The following SLC25A35 variants were observed in gnomAD, a reference collection of about 807,000 sequenced individuals.
SLC25A35 encodes the protein solute carrier family 25, member 35.
In SLC25A35, 32 loss-of-function variants were observed where a neutral mutation model predicts 30.5. That is an observed-to-expected ratio of 1.05 (90% confidence interval 0.79 to 1.41). SLC25A35 has a LOEUF of 1.41. Ranked by LOEUF, SLC25A35 falls within the 40% of genes most tolerant of loss-of-function variation. SLC25A35 has a pLI of 0.00. For missense variants in SLC25A35, 369 were observed against 388.0 expected (o/e 0.95, Z 0.41); for synonymous variants, 142 against 158.1 (o/e 0.90, Z 0.77).
At position 8,292,443 on chromosome 17, in the gene SLC25A35, G is replaced by A. The variant is rs561165253; in HGVS notation, c.441+80C>T. 13 of 1,378,482 alleles carry A rather than the reference G, an allele frequency of 9.4e-6. No homozygotes were observed. In the Admixed American group the frequency reaches 1.0e-4, roughly 11 times the overall value. 85.4% of individuals were successfully genotyped at this position (1,378,482 alleles called of 1,614,324 possible). A position where few individuals can be genotyped will look rare whatever the true frequency, so the allele number is the denominator to read the frequency against. Reference sequence around the variant, plus strand: ...GTTGAGCAGAGCAGTGGCTGGGATTGGATCTGTTGGGTGCAGGCAGAAAGC... The same window carrying A: ...GTTGAGCAGAGCAGTGGCTGGGATTAGATCTGTTGGGTGCAGGCAGAAAGC... On this transcript the variant is annotated intron_variant, in intron 2 of 4. Transcript: ENST00000577745.
chr17:8,291,557 G>C, intron 2 of SLC25A35, 72 bp from the exon 3 acceptor site: 11 of 1,510,682 alleles, frequency 7.3e-6, no homozygotes, highest in Non-Finnish European at 9.8e-6. Flanking sequence ...ACACTGCCAA[G>C]GATGGGTCCT....
intron 2 of SLC25A35, among the ~76,000 whole-genome samples, chr17:8,292,085 A>C (rs1026519184): frequency 1.3e-5 from 2 of 152,172 alleles, no homozygotes; most frequent in Non-Finnish European, 2.9e-5. Flanking sequence ...AAGAGGTTGC[A>C]GCAGGAGAAT....
Position 8,290,083 on chromosome 17 carries a change from A to T in SLC25A35, c.*422T>A, listed in dbSNP as rs1054248907. 1 of 1,532,290 alleles carries T rather than the reference A, an allele frequency of 6.5e-7. No individual in the cohort carries two copies. The highest frequency in any genetic ancestry group is 1.4e-5 in the African/African-American group (1 of 72,306). 94.9% of individuals were successfully genotyped at this position (1,532,290 alleles called of 1,614,324 possible). On this transcript the variant is annotated 3_prime_UTR_variant, in exon 5 of 5. Transcript: ENST00000577745. Reference sequence around the variant, plus strand: ...CTCTTCAGAATAAACTTGCTTTATAATCAATATAATCTCTGTGCCTTTGAA... The same window carrying T: ...CTCTTCAGAATAAACTTGCTTTATATTCAATATAATCTCTGTGCCTTTGAA...
At chr17:8,293,558 T>C (rs1008104965) in intron 1 of SLC25A35, among the ~76,000 whole-genome samples, 9 of 150,544 alleles carry the variant, frequency 6.0e-5, no homozygotes, top group Admixed American at 1.3e-4. Context: ...TTTTCTTTTT[T>C]TTTTTTTTTT....
chr17:8,290,238 G>T lies in SLC25A35; in HGVS notation c.*267C>A. 7.0e-7 allele frequency: 1 copy of T among 1,425,756 alleles called. No individual in the cohort carries two copies. Among genetic ancestry groups the T allele is most frequent in the Non-Finnish European group, 9.1e-7 (1 of 1,095,354 alleles). The allele number at this position is 1,425,756 out of a possible 1,614,324, so 88.3% of individuals were successfully genotyped here. A position where few individuals can be genotyped will look rare whatever the true frequency, so the allele number is the denominator to read the frequency against. ...CAAGGGTGGCAGTGGTGAGTGGGAG[G>T]AAATACACTTTGGGATGACTCGTTC... is the stretch of plus-strand genomic sequence containing the variant. On this transcript the variant is annotated 3_prime_UTR_variant, in exon 5 of 5. Transcript: ENST00000577745.
chr17:8,291,959 G>A lies in SLC25A35; in HGVS notation c.442-474C>T, dbSNP rs571553760. Among the ~76,000 whole-genome samples the A allele has an allele frequency of 5.9e-4, 90 of 152,144 alleles. 1 individual carries two copies. The highest frequency in any genetic ancestry group is 2.1e-3 in the African/African-American group (86 of 41,500). On this transcript the variant is annotated intron_variant, in intron 2 of 4. Coordinates refer to ENST00000577745, the MANE Select transcript of SLC25A35 (RefSeq NM_001320870.2). ...AGCACTTTGGGAGGCCGAGGCGGGC[G>A]GATCACAAGTTCAGGAGTTCGAGAC... is the stretch of plus-strand genomic sequence containing the variant.
chr17:8,288,994 G>A (rs772149331), downstream of SLC25A35: 2 of 1,614,162 alleles, frequency 1.2e-6, no homozygotes, highest in Admixed American at 3.3e-5. Context: ...GAAGTTTTCT[G>A]CCATCCCGTG....
chr17:8,291,296 C>G (rs758811840), intron 3 of SLC25A35, 37 bp downstream of exon 3: 6 of 1,609,248 alleles, frequency 3.7e-6, no homozygotes, highest in Non-Finnish European at 5.1e-6. Context: ...CCCTTCCCCC[C>G]TTCCCGAAAC....
chr17:8,289,324 T>C, downstream of SLC25A35: 1 of 1,614,148 alleles, frequency 6.2e-7, no homozygotes, highest in Non-Finnish European at 8.5e-7. Context: ...CTGTTCAGCC[T>C]CTCAGTTTGG....
At chr17:8,289,793 A>G (rs1990338772), downstream of SLC25A35, 1 of 1,613,480 alleles carries the variant, frequency 6.2e-7, no homozygotes, top group Non-Finnish European at 8.5e-7. Context: ...TTCTGTCTCC[A>G]TCTGTTCCCC....
Position 8,294,576 on chromosome 17 carries a change from C to T in SLC25A35, c.232G>A (p.Gly78Ser), listed in dbSNP as rs903446877. 3 of 1,614,054 alleles carry T rather than the reference C, an allele frequency of 1.9e-6. No individual in the cohort carries two copies. Among genetic ancestry groups the T allele is most frequent in the African/African-American group, 2.7e-5 (2 of 74,946 alleles). ...AGCCCATAGGTGCCCAGTCGGATGC[C>T]ATTCATCAGGAACTGGTACAAGAGG... ...PALLYQFLMN[G>S]IRLGTYGLAE... is the part of the protein sequence containing the mutation. The change falls in exon 1 of 5, where the codon GGC becomes AGC. Residue 78 changes from glycine to serine, a missense_variant. Coordinates refer to ENST00000577745, the MANE Select transcript of SLC25A35 (RefSeq NM_001320870.2).
downstream of SLC25A35, chr17:8,289,652 G>A (rs111417202): frequency 0.015 from 24,113 of 1,605,834 alleles, 240 homozygotes; most frequent in Middle Eastern, 0.036. Flanking sequence ...GGCTGGGAGG[G>A]ACAGAACAGG....
At position 8,290,142 on chromosome 17, in the gene SLC25A35, A is replaced by T; in HGVS notation, c.*363T>A. On this transcript the variant is annotated 3_prime_UTR_variant, in exon 5 of 5. Transcript: ENST00000577745. The stretch of plus-strand genomic sequence containing the variant: ...GACACCTGGGTCCCAGACGCCTGGG[A>T]ATTGGGTCTCTCGATTCCCTTTGGT... 1 of 1,450,882 alleles carries T rather than the reference A, an allele frequency of 6.9e-7. No homozygotes were observed. Among genetic ancestry groups the T allele is most frequent in the Non-Finnish European group, 9.0e-7 (1 of 1,105,086 alleles). The allele number at this position is 1,450,882 out of a possible 1,614,324, so 89.9% of individuals were successfully genotyped here. A position where few individuals can be genotyped will look rare whatever the true frequency, so the allele number is the denominator to read the frequency against.
intron 1 of SLC25A35, 107 bp downstream of exon 1, chr17:8,294,326 G>C (rs1990716788): frequency 2.4e-6 from 3 of 1,250,768 alleles, no homozygotes; most frequent in South Asian, 1.5e-5. Context: ...GCCTTTCCCT[G>C]CTTGCAGTGG....
chr17:8,289,949 A>G, downstream of SLC25A35: 1 of 1,614,158 alleles, frequency 6.2e-7, no homozygotes, highest in Non-Finnish European at 8.5e-7. Context: ...GCGCTGAAGC[A>G]CTGCATGATG....
At chr17:8,294,365 G>C in intron 1 of SLC25A35, 68 bp downstream of exon 1, 2 of 1,484,736 alleles carry the variant, frequency 1.3e-6, no homozygotes, top group African/African-American at 1.4e-5. Flanking sequence ...ATGCCCTTGG[G>C]AAAGAACAGC....
chr17:8,291,069 A>G, intron 3 of SLC25A35, 93 bp from the exon 4 acceptor site: 2 of 1,527,386 alleles, frequency 1.3e-6, no homozygotes, highest in Non-Finnish European at 1.8e-6. Context: ...AGATGCTGGT[A>G]ACTGGGGGAG....
At chr17:8,291,198 A>G in intron 3 of SLC25A35, 135 bp downstream of exon 3, 1 of 1,390,870 alleles carries the variant, frequency 7.2e-7, no homozygotes, top group African/African-American at 1.4e-5. Flanking sequence ...GGAAGGGTCT[A>G]AAGAGTTGAC....
Position 8,290,173 on chromosome 17 carries a change from AG to A in SLC25A35, c.*331del, listed in dbSNP as rs1990372862. ...GTCTCTCGATTCCCTTTGGTTTTGG[AG>A]GGAGGAGTTTAAAACTGTGCATGGG... On this transcript the variant is annotated 3_prime_UTR_variant, in exon 5 of 5. Transcript: ENST00000577745. The A allele has an allele frequency of 1.4e-6, 2 of 1,434,198 alleles. No individual in the cohort carries two copies. The highest frequency in any genetic ancestry group is 5.0e-5 in the East Asian group (2 of 39,810). 88.8% of individuals were successfully genotyped at this position (1,434,198 alleles called of 1,614,324 possible). A position where few individuals can be genotyped will look rare whatever the true frequency, so the allele number is the denominator to read the frequency against.
Sources: gnomAD v4.1 joint callset for allele counts (sites outside exome capture counted in the v4.1 genomes callset) on GRCh38, gnomAD v4.1.1 for gene constraint, MANE v1.5 for transcripts, NCBI Gene and HGNC (gene_info 2026-07-23, HGNC 2026-07-21) for gene names.